Variants in ARHGAP24 observed in about 807,000 individuals in gnomAD.
ARHGAP24 encodes rho GTPase-activating protein 24.
In ARHGAP24, 50 loss-of-function variants were observed where a neutral mutation model predicts 76.4. The observed-to-expected ratio is 0.65, with a 90% confidence interval of 0.52 to 0.83. ARHGAP24 has a LOEUF of 0.83. Among genes scored for constraint, ARHGAP24 ranks in the 40% least tolerant of loss-of-function variants. The pLI is 0.00. For missense variants in ARHGAP24, 930 were observed against 914.2 expected (o/e 1.02, Z -0.22); for synonymous variants, 345 against 323.3 (o/e 1.07, Z -0.72).
At chr4:85,519,534 T>C (rs946467035) in intron 1 of ARHGAP24, among the ~76,000 whole-genome samples, 2 of 152,278 alleles carry the variant, frequency 1.3e-5, no homozygotes, top group East Asian at 3.9e-4. Context: ...TGGAAGTGGG[T>C]GAGATCATTT....
chr4:85,674,306 G>A (rs1443963614), intron 2 of ARHGAP24, among the ~76,000 whole-genome samples: 59 of 152,308 alleles, frequency 3.9e-4, no homozygotes, highest in Non-Finnish European at 1.5e-5. Flanking sequence ...AGGGAAAAAA[G>A]TAGGCAAATT....
intron 3 of ARHGAP24, among the ~76,000 whole-genome samples, chr4:85,913,841 A>G (rs1321096594): frequency 3.3e-5 from 5 of 152,202 alleles, no homozygotes; most frequent in African/African-American, 1.2e-4. Flanking sequence ...AATAAACAAT[A>G]AAATGAGTAA....
At chr4:85,622,767 T>C (rs1226249066) in intron 2 of ARHGAP24, among the ~76,000 whole-genome samples, 3 of 152,236 alleles carry the variant, frequency 2.0e-5, no homozygotes, top group African/African-American at 7.2e-5. Flanking sequence ...TATTGTTTCC[T>C]GACTTTTTAA....
chr4:85,655,848 G>GAGAGAGAGAC lies in ARHGAP24; in HGVS notation c.181-66033_181-66032insAGAGACAGAG, dbSNP rs1560571885. On this transcript the variant is annotated intron_variant, in intron 2 of 9. Transcript: ENST00000395184. ...AGAGAGAGAGAGAGAGAGAGAGACAGAGAGGAAGTTTGGTTAGACTGTGCC... is the reference window on the plus strand; with the variant it reads ...AGAGAGAGAGAGAGAGAGAGAGACAGAGAGAGAGACAGAGGAAGTTTGGTTAGACTGTGCC... Among the ~76,000 whole-genome samples the GAGAGAGAGAC allele has an allele frequency of 2.1e-4, 14 of 67,604 alleles. 2 individuals carry two copies. Among genetic ancestry groups the GAGAGAGAGAC allele is most frequent in the African/African-American group, 8.5e-4 (14 of 16,496 alleles). 44.4% of individuals were successfully genotyped at this position (67,604 alleles called of 152,430 possible).
chr4:85,483,709 A>C (rs1309336468), intron 1 of ARHGAP24, among the ~76,000 whole-genome samples: 1 of 152,188 alleles, frequency 6.6e-6, no homozygotes, highest in Non-Finnish European at 1.5e-5. Context: ...TGTGCATTTC[A>C]TACACTGGGT....
intron 1 of ARHGAP24, among the ~76,000 whole-genome samples, chr4:85,522,331 T>C (rs1384893504): frequency 2.0e-5 from 3 of 152,150 alleles, no homozygotes; most frequent in Admixed American, 2.0e-4. Flanking sequence ...AGTTTTTTGT[T>C]TTGTTTTGTT....
intron 3 of ARHGAP24, among the ~76,000 whole-genome samples, chr4:85,834,703 TC>T (rs1449382679): frequency 4.6e-5 from 7 of 152,300 alleles, no homozygotes; most frequent in Admixed American, 1.3e-4. Context: ...AGACCATTAA[TC>T]TTAAAGAAAT....
At chr4:85,900,293 T>C (rs1450591837) in intron 3 of ARHGAP24, among the ~76,000 whole-genome samples, 1 of 152,228 alleles carries the variant, frequency 6.6e-6, no homozygotes, top group African/African-American at 2.4e-5. Context: ...TCTGACAGTG[T>C]TGGCCAATCA....
intron 3 of ARHGAP24, among the ~76,000 whole-genome samples, chr4:85,900,357 G>T (rs1734424191): frequency 6.6e-6 from 1 of 152,080 alleles, no homozygotes; most frequent in Non-Finnish European, 1.5e-5. Context: ...CAAATAGTAT[G>T]CATTTACAGG....
At chr4:85,767,142 T>C (rs1726957898) in intron 3 of ARHGAP24, among the ~76,000 whole-genome samples, 1 of 152,198 alleles carries the variant, frequency 6.6e-6, no homozygotes, top group Admixed American at 6.5e-5. Flanking sequence ...TCACACAATG[T>C]AAAGTGGCCT....
chr4:85,722,040 A>C, intron 3 of ARHGAP24, 68 bp downstream of exon 3: 2 of 1,402,662 alleles, frequency 1.4e-6, no homozygotes, highest in Non-Finnish European at 1.0e-6. Context: ...GATGGGTCAG[A>C]CAGGTTTCAT....
intron 8 of ARHGAP24, among the ~76,000 whole-genome samples, chr4:85,985,423 C>G (rs1560766353): frequency 6.6e-6 from 1 of 151,954 alleles, no homozygotes; most frequent in Non-Finnish European, 1.5e-5. Context: ...TAGGTGGGTG[C>G]TAAAGGATGA....
chr4:85,982,166 C>G (rs918281339), intron 8 of ARHGAP24, among the ~76,000 whole-genome samples: 1 of 151,802 alleles, frequency 6.6e-6, no homozygotes, highest in Admixed American at 6.6e-5. Context: ...GTGCTGCCAT[C>G]ATCTTCCTAG....
chr4:85,857,632 T>C (rs1055790969), intron 3 of ARHGAP24, among the ~76,000 whole-genome samples: 3 of 152,230 alleles, frequency 2.0e-5, no homozygotes, highest in African/African-American at 7.2e-5. Context: ...TGTTAGGTTA[T>C]ACCTTTTCTT....
chr4:85,826,629 G>A (rs1249179787), intron 3 of ARHGAP24, among the ~76,000 whole-genome samples: 3 of 152,194 alleles, frequency 2.0e-5, no homozygotes, highest in African/African-American at 7.2e-5. Context: ...GGGAGGAAAT[G>A]CAGCAAGTGC....
chr4:85,881,270 C>A (rs771842159), intron 3 of ARHGAP24, among the ~76,000 whole-genome samples: 1 of 152,044 alleles, frequency 6.6e-6, no homozygotes, highest in Non-Finnish European at 1.5e-5. Context: ...TACTTAGAAC[C>A]GTGGCAATTT....
intron 1 of ARHGAP24, among the ~76,000 whole-genome samples, chr4:85,553,628 A>C (rs2869353): frequency 0.82 from 124,796 of 151,580 alleles, 53,758 homozygotes; most frequent in East Asian, 0.98. Context: ...CTGATTGGTG[A>C]ATTTACAATC....
intron 9 of ARHGAP24, among the ~76,000 whole-genome samples, chr4:85,998,843 G>A (rs1464736769): frequency 1.3e-5 from 2 of 152,072 alleles, no homozygotes; most frequent in East Asian, 3.9e-4. Context: ...AATACTGGAG[G>A]CCTCACCTTC....
chr4:85,628,991 A>T (rs1490600983), intron 2 of ARHGAP24, among the ~76,000 whole-genome samples: 3 of 152,170 alleles, frequency 2.0e-5, no homozygotes, highest in Non-Finnish European at 2.9e-5. Context: ...TGAATTTATT[A>T]TTAATAGGTA....
Sources: gnomAD v4.1 joint callset for allele counts (sites outside exome capture counted in the v4.1 genomes callset) on GRCh38, gnomAD v4.1.1 for gene constraint, MANE v1.5 for transcripts, NCBI Gene and HGNC (gene_info 2026-07-23, HGNC 2026-07-21) for gene names.